KDM4C: variants seen among roughly 807,000 people sequenced by gnomAD.
The protein encoded by KDM4C is lysine demethylase 4C.
A neutral mutation model predicts 129.3 loss-of-function variants in KDM4C; 81 were observed. The ratio of observed to expected loss-of-function variants is 0.63; its 90% CI spans 0.52 to 0.75. The LOEUF (loss-of-function observed/expected upper bound fraction) is 0.75, where lower values mean the gene tolerates loss of function less well. KDM4C is among the 30% of genes least tolerant of loss of function. KDM4C has a pLI of 0.00. For missense variants in KDM4C, 1,457 were observed against 1,304.0 expected (o/e 1.12, Z -1.81); for synonymous variants, 573 against 456.1 (o/e 1.26, Z -3.26).
intron 21 of KDM4C, among the ~76,000 whole-genome samples, chr9:7,172,678 G>T (rs1445470619): frequency 6.6e-6 from 1 of 152,228 alleles, no homozygotes; most frequent in Admixed American, 6.5e-5. Flanking sequence ...ACTGTCCCAT[G>T]AACTGGCTGG....
chr9:6,906,172 A>G (rs527347514), intron 8 of KDM4C, among the ~76,000 whole-genome samples: 3 of 152,308 alleles, frequency 2.0e-5, no homozygotes, highest in African/African-American at 7.2e-5. Flanking sequence ...GTGTGTGTTG[A>G]TTTCATGATG....
At chr9:7,100,196 A>C (rs1400143783) in intron 17 of KDM4C, among the ~76,000 whole-genome samples, 2 of 152,204 alleles carry the variant, frequency 1.3e-5, no homozygotes, top group Non-Finnish European at 2.9e-5. Flanking sequence ...CAGGATTTTG[A>C]GCCTAGGCAG....
chr9:7,013,771 A>C lies in KDM4C; in HGVS notation c.1969-17A>C, dbSNP rs1823130406. ...TTTCCATGTTTTTCACTCATGTGGAAACGTTATGTTTTTCAGCCAGATAGC... is the reference window on the plus strand; with the variant it reads ...TTTCCATGTTTTTCACTCATGTGGACACGTTATGTTTTTCAGCCAGATAGC... On this transcript the variant is annotated splice_polypyrimidine_tract_variant and intron_variant, in intron 13 of 21. Coordinates refer to ENST00000381309, the MANE Select transcript of KDM4C (RefSeq NM_015061.6). The C allele has an allele frequency of 1.2e-6, 2 of 1,611,466 alleles. No homozygotes were observed. Among genetic ancestry groups the C allele is most frequent in the Admixed American group, 1.7e-5 (1 of 59,882 alleles).
At chr9:6,995,723 G>C (rs758913732) in intron 12 of KDM4C, among the ~76,000 whole-genome samples, 2 of 152,192 alleles carry the variant, frequency 1.3e-5, no homozygotes, top group South Asian at 2.1e-4. Context: ...CCAGGCTGGA[G>C]TGCAGTGGCG....
At chr9:6,936,384 A>T (rs1824794911) in intron 8 of KDM4C, among the ~76,000 whole-genome samples, 1 of 151,176 alleles carries the variant, frequency 6.6e-6, no homozygotes, top group Non-Finnish European at 1.5e-5. Flanking sequence ...ATTACTTTAC[A>T]TATATTTGAT....
At chr9:6,897,119 G>A (rs768460795) in intron 8 of KDM4C, among the ~76,000 whole-genome samples, 8 of 152,192 alleles carry the variant, frequency 5.3e-5, no homozygotes, top group Non-Finnish European at 7.3e-5. Context: ...GTCCCTGTGC[G>A]TAAATTCTCT....
chr9:7,066,026 G>A (rs1399376252), intron 17 of KDM4C, among the ~76,000 whole-genome samples: 3 of 150,718 alleles, frequency 2.0e-5, no homozygotes, highest in Admixed American at 6.6e-5. Flanking sequence ...ATTGAGATCC[G>A]CATAAAAATA....
rs914669374 is a variant in KDM4C at position 6,834,779 on chromosome 9, C to A, written c.436-14728C>A. The A allele has an allele frequency of 1.1e-5, 14 of 1,260,494 alleles. 1 individual carries two copies. In the East Asian group the frequency reaches 1.2e-4, roughly 10 times the overall value. 78.1% of individuals were successfully genotyped at this position (1,260,494 alleles called of 1,614,324 possible). ...GCATCCCATGCTGCTGACCGAGGCCCCCCTGAACCCCAAGGCCAGCCGCGA... is the reference window on the plus strand; with the variant it reads ...GCATCCCATGCTGCTGACCGAGGCCACCCTGAACCCCAAGGCCAGCCGCGA... On this transcript the variant is annotated intron_variant, in intron 4 of 21. Coordinates refer to ENST00000381309, the MANE Select transcript of KDM4C (RefSeq NM_015061.6).
chr9:7,002,070 T>G (rs951334297), intron 12 of KDM4C, among the ~76,000 whole-genome samples: 3 of 152,122 alleles, frequency 2.0e-5, no homozygotes, highest in African/African-American at 7.2e-5. Flanking sequence ...TTTTTCTATT[T>G]TTAGTAGAGA....
chr9:6,817,167 A>G (rs1262806342), intron 4 of KDM4C, among the ~76,000 whole-genome samples: 1 of 149,102 alleles, frequency 6.7e-6, no homozygotes, highest in Non-Finnish European at 1.5e-5. Context: ...GAATGGATAT[A>G]GATGAAAGAA....
At chr9:6,914,131 C>A (rs2131115637) in intron 8 of KDM4C, among the ~76,000 whole-genome samples, 1 of 152,296 alleles carries the variant, frequency 6.6e-6, no homozygotes, top group South Asian at 2.1e-4. Flanking sequence ...GTAATCTCGG[C>A]TCACCGCAAC....
chr9:7,137,746 C>T (rs1266951220), intron 19 of KDM4C, among the ~76,000 whole-genome samples: 1 of 152,180 alleles, frequency 6.6e-6, no homozygotes, highest in African/African-American at 2.4e-5. Context: ...TGTTTACAAG[C>T]CATTATCTTT....
chr9:7,050,272 GATGCTCAGC>G (rs1829956877), intron 17 of KDM4C, among the ~76,000 whole-genome samples: 1 of 151,824 alleles, frequency 6.6e-6, no homozygotes, highest in Non-Finnish European at 1.5e-5. Flanking sequence ...TTGGGCTTAG[GATGCTCAGC>G]ATGTGGTAGT....
intron 2 of KDM4C, among the ~76,000 whole-genome samples, chr9:6,799,501 C>T (rs1828494808): frequency 6.6e-6 from 1 of 150,914 alleles, no homozygotes; most frequent in South Asian, 2.1e-4. Flanking sequence ...TTGCAGTGAG[C>T]CAAGATGGCA....
chr9:6,748,214 A>C (rs1038353822), intron 1 of KDM4C, among the ~76,000 whole-genome samples: 6 of 150,142 alleles, frequency 4.0e-5, no homozygotes, highest in East Asian at 3.9e-4. Context: ...TTAAAAAAAA[A>C]CAACAGGAAT....
At chr9:6,836,986 T>G (rs527704974) in intron 4 of KDM4C, among the ~76,000 whole-genome samples, 19 of 152,340 alleles carry the variant, frequency 1.2e-4, no homozygotes, top group African/African-American at 4.3e-4. Flanking sequence ...TCATAGAGTA[T>G]TTAACTTTAC....
chr9:6,880,274 G>A (rs936738205), intron 6 of KDM4C, among the ~76,000 whole-genome samples: 1 of 151,558 alleles, frequency 6.6e-6, no homozygotes, highest in African/African-American at 2.4e-5. Flanking sequence ...TTGCATAATC[G>A]TCATGGTTAT....
intron 1 of KDM4C, among the ~76,000 whole-genome samples, chr9:6,743,618 C>G (rs1404446779): frequency 1.3e-5 from 2 of 151,540 alleles, no homozygotes; most frequent in Non-Finnish European, 2.9e-5. Context: ...AGTGATTCTT[C>G]TGCCTCAGCC....
At chr9:7,039,992 G>C (rs1055653509) in intron 15 of KDM4C, among the ~76,000 whole-genome samples, 2 of 151,928 alleles carry the variant, frequency 1.3e-5, no homozygotes, top group Non-Finnish European at 2.9e-5. Flanking sequence ...GTGTTTTATT[G>C]AGTTTTGATT....
Sources: allele counts gnomAD v4.1 joint callset (sites outside exome capture counted in the v4.1 genomes callset), GRCh38; gene constraint gnomAD v4.1.1; transcripts MANE v1.5; gene names NCBI Gene and HGNC (gene_info 2026-07-23, HGNC 2026-07-21).